DTX2: variants seen among roughly 807,000 people sequenced by gnomAD.
The protein encoded by DTX2 is probable E3 ubiquitin-protein ligase DTX2.
In DTX2, 29 loss-of-function variants were observed where a neutral mutation model predicts 55.3. The ratio of observed to expected loss-of-function variants is 0.52; its 90% confidence interval spans 0.39 to 0.71. The LOEUF (loss-of-function observed/expected upper bound fraction) is 0.71. Among genes scored for constraint, DTX2 ranks in the 30% least tolerant of loss-of-function variants. The pLI is 0.00. For synonymous variants in DTX2, 276 were observed against 340.4 expected, an observed-to-expected ratio of 0.81 and a Z score of 2.08; for missense variants, 537 against 822.5, an observed-to-expected ratio of 0.65 and a Z score of 4.25.
chr7:76,503,559 T>G lies in DTX2; in HGVS notation c.1523T>G (p.Ile508Arg), dbSNP rs1407996302. 1 of 1,612,428 alleles carries G rather than the reference T, an allele frequency of 6.2e-7. No homozygotes were observed. Among genetic ancestry groups the G allele is most frequent in the Admixed American group, 1.7e-5 (1 of 59,970 alleles). Residue 508 changes from isoleucine (I) to arginine (R), a missense_variant, in exon 9 of 11, where the codon ATA becomes AGA. Physicochemically the swap from Ile to Arg is moderately conservative, Grantham distance 97 (BLOSUM62 -3). Transcript: ENST00000430490. ...CACGAGGACTGCGGGACCATCCTCA[T>G]AGTTTACAGCATTCCCCATGGTATC... ...PGHEDCGTIL[I>R]VYSIPHGIQG...
At chr7:76,503,806 C>G (rs949686677) in intron 9 of DTX2, among the ~76,000 whole-genome samples, 2 of 150,234 alleles carry the variant, frequency 1.3e-5, no homozygotes, top group Admixed American at 1.3e-4. Context: ...GGCTGGCCCT[C>G]CACTCTTTCC....
Position 76,483,035 on chromosome 7 carries a change from G to A in DTX2, c.796G>A (p.Ala266Thr), listed in dbSNP as rs1365940304. ...RSAPRLNTTNAWGAAPPSLGS... is the reference protein window; with the variant it reads ...RSAPRLNTTNTWGAAPPSLGS... ...TGCGCCCAGGCTGAACACCACCAAC[G>A]CCTGGGGCGCAGCTCCTCCTTCCCT... Residue 266 changes from alanine (A) to threonine (T), a missense_variant, in exon 4 of 11, where the codon GCC (alanine) becomes ACC (threonine). Ala to Thr is a moderately conservative substitution (Grantham distance 58). This residue lies in a region of DTX2 where 301 missense variants were observed against 396.6 expected (regional missense o/e 0.76). Transcript: ENST00000430490. The A allele has an allele frequency of 5.6e-6, 9 of 1,613,392 alleles. No individual in the cohort carries two copies. The highest frequency in any genetic ancestry group is 1.3e-5 in the African/African-American group (1 of 75,010).
chr7:76,483,449 T>C (rs2116407675), intron 4 of DTX2, among the ~76,000 whole-genome samples: 1 of 152,378 alleles, frequency 6.6e-6, no homozygotes, highest in East Asian at 1.9e-4. Flanking sequence ...GCGGGCTGCA[T>C]GGCGAGCATT....
rs956254090 is a variant in DTX2 at position 76,502,346 on chromosome 7, G to A, written c.1279G>A (p.Asp427Asn). Reference protein sequence around the residue: ...EKLSTASGYSDVTDSKAIGSL... With the variant: ...EKLSTASGYSNVTDSKAIGSL... ...GCTGTCCACAGCGTCTGGATACAGC[G>A]ATGTGACTGACAGCAAGGCAATCGG... Residue 427 changes from aspartate to asparagine, a missense_variant, in exon 8 of 11, where the codon GAT becomes AAT. This residue lies in a region of DTX2 where 121 missense variants were observed against 136.8 expected (regional missense o/e 0.88). Transcript: ENST00000430490. The A allele has an allele frequency of 1.2e-5, 19 of 1,610,926 alleles. No individual in the cohort carries two copies. Among genetic ancestry groups the A allele is most frequent in the Admixed American group, 1.7e-5 (1 of 59,800 alleles).
chr7:76,463,864 C>T (rs1321435173), intron 2 of DTX2, among the ~76,000 whole-genome samples, 155 bp downstream of exon 2: 3 of 146,348 alleles, frequency 2.0e-5, no homozygotes, highest in Admixed American at 7.0e-5. Context: ...GCAGTGGCGT[C>T]TTGCCACTGC....
chr7:76,503,325 G>C, intron 8 of DTX2, 101 bp from the exon 9 acceptor site: 2 of 1,365,322 alleles, frequency 1.5e-6, no homozygotes, highest in Middle Eastern at 2.6e-4. Context: ...CTGGGATGGT[G>C]GCCAGCCCAT....
At position 76,501,053 on chromosome 7, in the gene DTX2, C is replaced by T. The variant is rs560047651; in HGVS notation, c.1230+533C>T. 5.9e-5 allele frequency among the ~76,000 whole-genome samples: 9 copies of T among 151,954 alleles called. No homozygotes were observed. In the South Asian group the frequency reaches 1.9e-3, roughly 32 times the overall value. Reference sequence around the variant, plus strand: ...CAGGACCAATCAGACTCCTGTTGCGCTTCCATAGAACCTGAACCTCTACTG... The same window carrying T: ...CAGGACCAATCAGACTCCTGTTGCGTTTCCATAGAACCTGAACCTCTACTG... On this transcript the variant is annotated intron_variant, in intron 7 of 10. Transcript: ENST00000430490.
chr7:76,466,538 T>C (rs1231048676), intron 2 of DTX2, among the ~76,000 whole-genome samples: 2 of 151,870 alleles, frequency 1.3e-5, no homozygotes, highest in African/African-American at 2.4e-5. Flanking sequence ...ATCTCCTTTC[T>C]TTCATTTTTT....
chr7:76,464,141 T>A lies in DTX2; in HGVS notation c.-90+432T>A, dbSNP rs1297662639. On this transcript the variant is annotated intron_variant, in intron 2 of 10. Transcript: ENST00000430490. ...AAATCACAAGGCTCTCCTACCCACATCCAGAAAGGGGACGGTTAGAGGGAA... is the reference window on the plus strand; with the variant it reads ...AAATCACAAGGCTCTCCTACCCACAACCAGAAAGGGGACGGTTAGAGGGAA... Among the ~76,000 whole-genome samples the A allele has an allele frequency of 8.6e-5, 13 of 151,652 alleles. No individual in the cohort carries two copies. The Admixed American group carries it at 8.6e-4, about 10-fold the overall frequency.
intron 3 of DTX2, 32 bp from the exon 4 acceptor site, chr7:76,482,476 C>G (rs562321812): frequency 1.2e-5 from 19 of 1,542,448 alleles, no homozygotes; most frequent in Middle Eastern, 3.5e-4. Flanking sequence ...GGGATGCTAG[C>G]AGACTAACCT....
chr7:76,478,613 A>G (rs368870644), intron 2 of DTX2, among the ~76,000 whole-genome samples: 415 of 137,722 alleles, frequency 3.0e-3, no homozygotes, highest in East Asian at 0.029. Context: ...GGATCTCACT[A>G]TGTTGCCCAG....
intron 2 of DTX2, among the ~76,000 whole-genome samples, chr7:76,467,799 G>A (rs3864558): frequency 0.14 from 20,538 of 141,814 alleles, 133 homozygotes; most frequent in East Asian, 0.33. Flanking sequence ...CCTGTGGAGC[G>A]GGAGCGAACT....
At chr7:76,465,325 G>C (rs1422159336) in intron 2 of DTX2, among the ~76,000 whole-genome samples, 2 of 140,960 alleles carry the variant, frequency 1.4e-5, no homozygotes, top group Non-Finnish European at 3.0e-5. Context: ...GGGAGGTATA[G>C]ATGAGGGGAT....
In DTX2 at chr7:76,502,466, C is replaced by T. The variant is rs1811837141; in HGVS notation, c.1389+10C>T. Reference sequence around the variant, plus strand: ...CTGCAACGGCAATAAGGTGCCCCCACTGGCCCAGGGCGGAGGCGGGTGGCC... The same window carrying T: ...CTGCAACGGCAATAAGGTGCCCCCATTGGCCCAGGGCGGAGGCGGGTGGCC... On this transcript the variant is annotated intron_variant, in intron 8 of 10. Transcript: ENST00000430490. 1 of 1,610,070 alleles carries T rather than the reference C, an allele frequency of 6.2e-7. No individual in the cohort carries two copies. Among genetic ancestry groups the T allele is most frequent in the African/African-American group, 1.3e-5 (1 of 75,028 alleles).
rs1162113272 is a variant in DTX2 at position 76,505,758 on chromosome 7, C to T, written c.*157C>T. The T allele has an allele frequency of 2.6e-6, 2 of 755,924 alleles. No individual in the cohort carries two copies. Among genetic ancestry groups the T allele is most frequent in the African/African-American group, 1.7e-5 (1 of 57,264 alleles). The allele number at this position is 755,924 out of a possible 1,614,324, so 46.8% of individuals were successfully genotyped here. A position where few individuals can be genotyped will look rare whatever the true frequency, so the allele number is the denominator to read the frequency against. On this transcript the variant is annotated 3_prime_UTR_variant, in exon 11 of 11. Transcript: ENST00000430490. The surrounding 1 kb of genome is among the most constrained non-coding windows in gnomAD (Gnocchi z 4.4). ...GCCGGGGCTCCCCCTGCCTGCCTCT[C>T]TCTCCTCCTCCCCTCTGGGAATTGG...
intron 2 of DTX2, among the ~76,000 whole-genome samples, chr7:76,469,360 A>ATTT (rs67541833): frequency 0.037 from 3,042 of 81,260 alleles, 20 homozygotes; most frequent in African/African-American, 0.11. Flanking sequence ...TGAAATCTAG[A>ATTT]TTTTTTTTTT....
chr7:76,482,917 C>A lies in DTX2; in HGVS notation c.678C>A (p.Val226=), dbSNP rs979276089. The change falls in exon 4 of 11, where the codon GTC becomes GTA. Residue 226 remains valine (V), a synonymous_variant. Transcript: ENST00000430490. ...HSMTNLPAYP[V]PQHPPHRTAS... The stretch of plus-strand genomic sequence containing the variant: ...TGACCAACCTCCCTGCATACCCCGT[C>A]CCCCAGCACCCCCCACACAGGACCG... 3 of 1,613,744 alleles carry A rather than the reference C, an allele frequency of 1.9e-6. No individual in the cohort carries two copies. In the African/African-American group the frequency reaches 4.0e-5, roughly 22 times the overall value.
intron 2 of DTX2, among the ~76,000 whole-genome samples, chr7:76,471,536 T>C (rs1406534994): frequency 1.3e-5 from 2 of 149,374 alleles, no homozygotes; most frequent in African/African-American, 5.1e-5. Context: ...TGTTATTTAT[T>C]TTTTTTTAAA....
intron 2 of DTX2, among the ~76,000 whole-genome samples, chr7:76,472,972 A>T (rs1321585618): frequency 6.6e-6 from 1 of 152,124 alleles, no homozygotes; most frequent in African/African-American, 2.4e-5. Context: ...CTTGATACAT[A>T]TATTACCAAA....
Sources: allele counts gnomAD v4.1 joint callset (sites outside exome capture counted in the v4.1 genomes callset), GRCh38; gene constraint gnomAD v4.1.1; regional missense constraint gnomAD v4.1.1; non-coding constraint Gnocchi (gnomAD v3.1); transcripts MANE v1.5; gene names NCBI Gene and HGNC (gene_info 2026-07-23, HGNC 2026-07-21).